KPNA5: variants seen among roughly 807,000 people sequenced by gnomAD.
KPNA5 encodes the protein importin subunit alpha-6.
Under a neutral mutation model 71.3 loss-of-function variants are expected in KPNA5, and 46 were observed. The observed-to-expected ratio is 0.65, with a 90% CI of 0.51 to 0.83. The LOEUF is 0.83. Among genes scored for constraint, KPNA5 ranks in the 40% least tolerant of loss-of-function variants. KPNA5 has a pLI of 0.00. For synonymous variants in KPNA5, 207 were observed against 201.4 expected, an observed-to-expected ratio of 1.03 and a Z score of -0.24; for missense variants, 547 against 628.3, an observed-to-expected ratio of 0.87 and a Z score of 1.38.
In KPNA5 at chr6:116,732,348, G is replaced by T; in HGVS notation, c.*25G>T. 1 of 1,370,836 alleles carries T rather than the reference G, an allele frequency of 7.3e-7. No homozygotes were observed. The highest frequency in any genetic ancestry group is 1.7e-5 in the South Asian group (1 of 60,562). 84.9% of individuals were successfully genotyped at this position (1,370,836 alleles called of 1,614,324 possible). A position where few individuals can be genotyped will look rare whatever the true frequency, so the allele number is the denominator to read the frequency against. The stretch of plus-strand genomic sequence containing the variant: ...ACTTACTGGAGGAAAAAAAATTTAT[G>T]GCTAAAAAGGGTAGCTTCAGGTAAC... On this transcript the variant is annotated 3_prime_UTR_variant, in exon 14 of 14. Transcript: ENST00000368564.
chr6:116,718,759 A>G (rs1000032614), intron 8 of KPNA5, among the ~76,000 whole-genome samples: 3 of 149,436 alleles, frequency 2.0e-5, no homozygotes, highest in Admixed American at 6.7e-5. Context: ...TTTTTTTGAA[A>G]TTTTCTTTTT....
chr6:116,696,932 T>C (rs1183275219), intron 4 of KPNA5, among the ~76,000 whole-genome samples: 4 of 152,024 alleles, frequency 2.6e-5, no homozygotes, highest in African/African-American at 9.7e-5. Context: ...ATATTTGGGT[T>C]CTTATGTGTG....
intron 1 of KPNA5, 80 bp downstream of exon 1, chr6:116,681,418 G>A (rs1306505302): frequency 6.8e-7 from 1 of 1,474,942 alleles, no homozygotes; most frequent in African/African-American, 1.5e-5. Flanking sequence ...CTGGGGCCAC[G>A]GTTTTTATTT....
intron 1 of KPNA5, among the ~76,000 whole-genome samples, chr6:116,681,752 C>T (rs1052343760): frequency 5.3e-5 from 8 of 152,120 alleles, no homozygotes; most frequent in Non-Finnish European, 1.2e-4. Context: ...AGGTTCCATC[C>T]CGAGGGCCTC....
At chr6:116,695,550 T>C (rs1241351496) in intron 4 of KPNA5, among the ~76,000 whole-genome samples, 1 of 152,174 alleles carries the variant, frequency 6.6e-6, no homozygotes, top group Non-Finnish European at 1.5e-5. Context: ...AGACAGAGTT[T>C]AGTGACACAT....
chr6:116,717,299 G>A (rs1353224633), intron 8 of KPNA5, among the ~76,000 whole-genome samples: 1 of 152,094 alleles, frequency 6.6e-6, no homozygotes, highest in Admixed American at 6.6e-5. Context: ...ACCCCCAAAA[G>A]GGTTTTAGGA....
rs1207190669 is a variant in KPNA5, at chr6:116,741,514, G to C, written c.*9191G>C. 1 of 152,282 alleles carries C rather than the reference G, an allele frequency of 6.6e-6. No individual in the cohort carries two copies. The highest frequency in any genetic ancestry group is 2.4e-5 in the African/African-American group (1 of 41,410). The allele number at this position is 152,282 out of a possible 1,614,324, so 9.4% of individuals were successfully genotyped here. On this transcript the variant is annotated 3_prime_UTR_variant, in exon 14 of 14. Coordinates refer to ENST00000368564, the MANE Select transcript of KPNA5 (RefSeq NM_001366306.2). ...TTTGGTCTTTGTGGTAGAAATGACA[G>C]ACTTTTTCATTGAATGATGAGGACA...
intron 7 of KPNA5, 131 bp downstream of exon 7, chr6:116,705,291 G>A: frequency 1.6e-6 from 1 of 621,978 alleles, no homozygotes; most frequent in Non-Finnish European, 2.7e-6. Context: ...TAGCTTGACA[G>A]CAGGTAGAAC....
Position 116,740,679 on chromosome 6 carries a change from T to A in KPNA5, c.*8356T>A, listed in dbSNP as rs1183016827. The stretch of plus-strand genomic sequence containing the variant: ...CTATGCAGCCATAAAAAATGATGAG[T>A]TCATGTCCTTTGTAGGGACATGGAT... On this transcript the variant is annotated 3_prime_UTR_variant, in exon 14 of 14. Transcript: ENST00000368564. 6.6e-6 allele frequency: 1 copy of A among 152,074 alleles called. No individual in the cohort carries two copies. Among genetic ancestry groups the A allele is most frequent in the African/African-American group, 2.4e-5 (1 of 41,396 alleles). 9.4% of individuals were successfully genotyped at this position (152,074 alleles called of 1,614,324 possible).
chr6:116,695,028 A>G (rs900218155), intron 4 of KPNA5, among the ~76,000 whole-genome samples: 16 of 152,140 alleles, frequency 1.1e-4, no homozygotes, highest in African/African-American at 3.4e-4. Flanking sequence ...ACAGCTCACT[A>G]TAGCCTCTGC....
chr6:116,689,861 C>T (rs1777725247), intron 2 of KPNA5, among the ~76,000 whole-genome samples: 2 of 152,272 alleles, frequency 1.3e-5, no homozygotes, highest in South Asian at 4.1e-4. Flanking sequence ...CATACTGTTC[C>T]CCCATTGTCT....
intron 5 of KPNA5, among the ~76,000 whole-genome samples, chr6:116,700,017 A>G (rs1778169846): frequency 6.6e-6 from 1 of 152,234 alleles, no homozygotes; most frequent in Non-Finnish European, 1.5e-5. Context: ...TACTCTGGGG[A>G]CACAGAACAT....
chr6:116,698,850 GT>G, intron 5 of KPNA5, 52 bp downstream of exon 5: 2 of 1,067,950 alleles, frequency 1.9e-6, no homozygotes, highest in Non-Finnish European at 2.7e-6. Flanking sequence ...ACATGTTAAA[GT>G]TTCTAGTGAA....
intron 7 of KPNA5, among the ~76,000 whole-genome samples, chr6:116,712,629 C>G (rs1778742936): frequency 6.6e-6 from 1 of 151,996 alleles, no homozygotes; most frequent in South Asian, 2.1e-4. Flanking sequence ...TGCCGTTTTA[C>G]TATTAGTTAA....
Position 116,689,324 on chromosome 6 carries a change from C to T in KPNA5, c.9C>T (p.Ala3=), listed in dbSNP as rs1777703715. 6.2e-7 allele frequency: 1 copy of T among 1,600,734 alleles called. No individual in the cohort carries two copies. Among genetic ancestry groups the T allele is most frequent in the African/African-American group, 1.4e-5 (1 of 73,956 alleles). Residue 3 remains alanine (A), a synonymous_variant, in exon 2 of 14, where the codon GCC becomes GCT. Coordinates refer to ENST00000368564, the MANE Select transcript of KPNA5 (RefSeq NM_001366306.2). ...TTCTTTTCTCCTTCCTTTAAGATGC[C>T]ATGGCTAGTCCAGGGAAAGATAACT... The part of the protein sequence containing the change: MD[A]MASPGKDNYR...
chr6:116,714,787 T>C (rs1490392508), intron 7 of KPNA5, among the ~76,000 whole-genome samples: 4 of 152,192 alleles, frequency 2.6e-5, no homozygotes, highest in African/African-American at 7.2e-5. Context: ...TTCCCAGTTA[T>C]GCAAAACAAA....
At position 116,739,081 on chromosome 6, in the gene KPNA5, A is replaced by G. The variant is rs1322423628; in HGVS notation, c.*6758A>G. On this transcript the variant is annotated 3_prime_UTR_variant, in exon 14 of 14. Transcript: ENST00000368564. ...CAAATTGTCCCTGTTTGCAGATGAC[A>G]TGATTGTATATCTAGAAAACCCCAT... The G allele has an allele frequency of 4.6e-5, 7 of 152,170 alleles. No individual in the cohort carries two copies. Among genetic ancestry groups the G allele is most frequent in the Admixed American group, 2.6e-4 (4 of 15,256 alleles). 9.4% of individuals were successfully genotyped at this position (152,170 alleles called of 1,614,324 possible).
intron 5 of KPNA5, among the ~76,000 whole-genome samples, chr6:116,699,133 G>A (rs1778138351): frequency 6.6e-6 from 1 of 151,818 alleles, no homozygotes; most frequent in African/African-American, 2.4e-5. Flanking sequence ...TAGCTAGCCA[G>A]GGTTCTAACT....
At position 116,702,170 on chromosome 6, in the gene KPNA5, T is replaced by A; in HGVS notation, c.567+20T>A. 1 of 1,603,548 alleles carries A rather than the reference T, an allele frequency of 6.2e-7. No homozygotes were observed. The highest frequency in any genetic ancestry group is 1.3e-5 in the African/African-American group (1 of 74,374). On this transcript the variant is annotated intron_variant, in intron 6 of 13. Transcript: ENST00000368564. ...GAACAGGTACGTCTCTAATTTGTATTGTTGTATGTACTAGAATTCAGTTTT... is the reference window on the plus strand; with the variant it reads ...GAACAGGTACGTCTCTAATTTGTATAGTTGTATGTACTAGAATTCAGTTTT...
Sources: allele counts gnomAD v4.1 joint callset (sites outside exome capture counted in the v4.1 genomes callset), GRCh38; gene constraint gnomAD v4.1.1; transcripts MANE v1.5; gene names NCBI Gene and HGNC (gene_info 2026-07-23, HGNC 2026-07-21).